Variants in PTPRD observed in about 807,000 individuals in gnomAD.
PTPRD encodes the protein receptor-type tyrosine-protein phosphatase delta.
Under a neutral mutation model 214.5 loss-of-function variants are expected in PTPRD, and 34 were observed. The ratio of observed to expected loss-of-function variants is 0.16; its 90% CI spans 0.12 to 0.21. The LOEUF is 0.21. Among genes scored for constraint, PTPRD ranks in the 10% least tolerant of loss-of-function variants. The pLI is 1.00. For missense variants in PTPRD, 2,545 were observed against 2,398.7 expected (o/e 1.06, Z -1.27); for synonymous variants, 1,128 against 845.7 (o/e 1.33, Z -5.79).
chr9:9,865,371 T>G (rs1355308610), intron 5 of PTPRD, among the ~76,000 whole-genome samples: 1 of 152,206 alleles, frequency 6.6e-6, no homozygotes, highest in African/African-American at 2.4e-5. Flanking sequence ...CCCAGATTAA[T>G]GGATTAATGC....
chr9:9,216,800 A>G (rs4344133), intron 9 of PTPRD, among the ~76,000 whole-genome samples: 112,553 of 152,022 alleles, frequency 0.74, 41,971 homozygotes, highest in Non-Finnish European at 0.78. Flanking sequence ...TTGATATAAC[A>G]AAATACTTCT....
chr9:8,592,968 A>AGT (rs1361120692), intron 14 of PTPRD, among the ~76,000 whole-genome samples: 1 of 152,238 alleles, frequency 6.6e-6, no homozygotes, highest in Non-Finnish European at 1.5e-5. Flanking sequence ...TCCAACAGAC[A>AGT]TAAATAAGGG....
chr9:9,214,187 G>A (rs2099950665), intron 9 of PTPRD, among the ~76,000 whole-genome samples: 2 of 152,148 alleles, frequency 1.3e-5, no homozygotes, highest in South Asian at 4.1e-4. Context: ...CATCAGGCCT[G>A]CTCCAGCTGT....
At chr9:10,116,007 T>C (rs1345887149) in intron 3 of PTPRD, among the ~76,000 whole-genome samples, 1 of 152,072 alleles carries the variant, frequency 6.6e-6, no homozygotes, top group African/African-American at 2.4e-5. Context: ...ATGACTTAGA[T>C]ATAGGCATAT....
chr9:9,626,102 A>G (rs2095417835), intron 7 of PTPRD, among the ~76,000 whole-genome samples: 1 of 152,240 alleles, frequency 6.6e-6, no homozygotes, highest in African/African-American at 2.4e-5. Context: ...TACGAGCCAC[A>G]GTTTATCAAC....
At chr9:9,916,534 T>C (rs567276377) in intron 5 of PTPRD, among the ~76,000 whole-genome samples, 1 of 152,068 alleles carries the variant, frequency 6.6e-6, no homozygotes, top group South Asian at 2.1e-4. Flanking sequence ...TATATATATA[T>C]ATACATGTAT....
intron 3 of PTPRD, among the ~76,000 whole-genome samples, chr9:10,038,607 T>C (rs1325184390): frequency 6.6e-6 from 1 of 152,140 alleles, no homozygotes; most frequent in Non-Finnish European, 1.5e-5. Flanking sequence ...GAGGTAAAGT[T>C]ACTTGCCTGA....
At chr9:9,960,336 C>T (rs1478355302) in intron 4 of PTPRD, among the ~76,000 whole-genome samples, 1 of 151,544 alleles carries the variant, frequency 6.6e-6, no homozygotes, top group Non-Finnish European at 1.5e-5. Context: ...ATGAGGAAAA[C>T]AACCCACGTA....
rs140271921 is a variant in PTPRD at position 8,701,715 on chromosome 9, C to T, written c.64+32065G>A. 3.7e-3 allele frequency among the ~76,000 whole-genome samples: 562 copies of T among 152,256 alleles called. 1 individual carries two copies. Among genetic ancestry groups the T allele is most frequent in the South Asian group, 7.7e-3 (37 of 4,816 alleles). ...GCTCTTCCTTTGTCACCCTTGGATG[C>T]CCAATTCTTATGCAATGCATTCCCA... is the stretch of plus-strand genomic sequence containing the variant. On this transcript the variant is annotated intron_variant, in intron 12 of 45. Coordinates refer to ENST00000381196, the MANE Select transcript of PTPRD (RefSeq NM_002839.4).
At position 9,658,082 on chromosome 9, in the gene PTPRD, T is replaced by C. The variant is rs1371204812; in HGVS notation, c.-287+76451A>G. 1.3e-5 allele frequency among the ~76,000 whole-genome samples: 2 copies of C among 152,208 alleles called. 1 individual carries two copies. Among genetic ancestry groups the C allele is most frequent in the Non-Finnish European group, 2.9e-5 (2 of 68,026 alleles). Reference sequence around the variant, plus strand: ...TTTTGCAAAGTCACAATGATTCTTCTATGTATTACAGGTGCTGTTTTATTT... The same window carrying C: ...TTTTGCAAAGTCACAATGATTCTTCCATGTATTACAGGTGCTGTTTTATTT... On this transcript the variant is annotated intron_variant, in intron 7 of 45. Transcript: ENST00000381196.
intron 9 of PTPRD, among the ~76,000 whole-genome samples, chr9:9,342,872 C>T (rs1014608058): frequency 4.6e-5 from 7 of 152,070 alleles, no homozygotes; most frequent in African/African-American, 1.4e-4. Flanking sequence ...CCCCCTACCC[C>T]GCCAACAGGC....
chr9:10,298,592 A>T (rs1281925822), intron 3 of PTPRD, among the ~76,000 whole-genome samples: 1 of 152,114 alleles, frequency 6.6e-6, no homozygotes, highest in Non-Finnish European at 1.5e-5. Context: ...ATCACACAAT[A>T]AATAAAATGT....
At chr9:10,560,891 G>C (rs1248060941) in intron 2 of PTPRD, among the ~76,000 whole-genome samples, 1 of 152,186 alleles carries the variant, frequency 6.6e-6, no homozygotes, top group East Asian at 1.9e-4. Flanking sequence ...ACTGTGGAAA[G>C]TTCTGCTGAA....
chr9:8,321,485 G>GTATATATA (rs1486135985), intron 44 of PTPRD, among the ~76,000 whole-genome samples: 31 of 45,366 alleles, frequency 6.8e-4, no homozygotes, highest in Middle Eastern at 0.013. Context: ...GTGTGTGTGT[G>GTATATATA]TGTATATATA....
intron 3 of PTPRD, among the ~76,000 whole-genome samples, chr9:10,339,913 T>A (rs1484044044): frequency 1.3e-5 from 2 of 151,878 alleles, no homozygotes; most frequent in East Asian, 3.9e-4. Flanking sequence ...CAAATCCCAC[T>A]CCAACCTTCT....
At chr9:9,895,000 C>G (rs888269563) in intron 5 of PTPRD, among the ~76,000 whole-genome samples, 2 of 151,896 alleles carry the variant, frequency 1.3e-5, no homozygotes, top group African/African-American at 2.4e-5. Flanking sequence ...TAGAAAAAAG[C>G]AAAGTACAGT....
At chr9:8,969,191 C>T (rs1401438434) in intron 11 of PTPRD, among the ~76,000 whole-genome samples, 1 of 152,042 alleles carries the variant, frequency 6.6e-6, no homozygotes, top group Non-Finnish European at 1.5e-5. Context: ...TCACTTTTCA[C>T]TCATGGTATT....
chr9:10,190,169 T>C (rs1469294464), intron 3 of PTPRD, among the ~76,000 whole-genome samples: 3 of 146,142 alleles, frequency 2.1e-5, no homozygotes, highest in East Asian at 2.1e-4. Context: ...GAGTTCGAGA[T>C]CAGCCTGACC....
intron 11 of PTPRD, among the ~76,000 whole-genome samples, chr9:8,989,031 AGTT>A (rs2154346011): frequency 6.6e-6 from 1 of 152,186 alleles, no homozygotes. Context: ...TAATATTAGT[AGTT>A]GTTTTGAGTC....
Sources: gnomAD v4.1 joint callset for allele counts (sites outside exome capture counted in the v4.1 genomes callset) on GRCh38, gnomAD v4.1.1 for gene constraint, MANE v1.5 for transcripts, NCBI Gene and HGNC (gene_info 2026-07-23, HGNC 2026-07-21) for gene names.